The following ACO2 variants were observed in gnomAD, a reference collection of about 807,000 sequenced individuals.
The protein encoded by ACO2 is aconitate hydratase, mitochondrial.
Under a neutral mutation model 84.5 loss-of-function variants are expected in ACO2, and 31 were observed. The ratio of observed to expected loss-of-function variants is 0.37; its 90% CI spans 0.28 to 0.50. The LOEUF (loss-of-function observed/expected upper bound fraction) is 0.50, where lower values mean the gene tolerates loss of function less well. ACO2 is among the 20% of genes least tolerant of loss of function. The pLI, the probability that ACO2 is intolerant of heterozygous loss-of-function variation, is 0.97. For missense variants in ACO2, 685 were observed against 1,029.3 expected (o/e 0.67, Z 4.58); for synonymous variants, 414 against 412.7 (o/e 1.00, Z -0.04).
At chr22:41,501,148 C>T (rs946062980) in intron 2 of ACO2, among the ~76,000 whole-genome samples, 2 of 152,116 alleles carry the variant, frequency 1.3e-5, no homozygotes, top group Admixed American at 6.6e-5. Flanking sequence ...GGACCACAGG[C>T]GTGAGCCACC....
At chr22:41,492,206 G>A (rs191079734) in intron 1 of ACO2, among the ~76,000 whole-genome samples, 28 of 152,330 alleles carry the variant, frequency 1.8e-4, no homozygotes, top group African/African-American at 2.9e-4. Flanking sequence ...TATTCTAAAA[G>A]CAGGGTAAAT....
At position 41,520,168 on chromosome 22, in the gene ACO2, C is replaced by T. The variant is rs2066511594; in HGVS notation, c.1033-3C>T. On this transcript the variant is annotated splice_polypyrimidine_tract_variant and splice_region_variant and intron_variant, in intron 8 of 17. Transcript: ENST00000216254. ...TCTTCTCCTTGCATGTTTGTTTCTT[C>T]AGCTGAAGCCACACATCAATGGGCC... The T allele has an allele frequency of 1.2e-6, 2 of 1,611,102 alleles. No individual in the cohort carries two copies. The highest frequency in any genetic ancestry group is 8.5e-7 in the Non-Finnish European group (1 of 1,177,930).
At chr22:41,512,033 G>C (rs925454102) in intron 4 of ACO2, 65 bp downstream of exon 4, 30 of 1,366,896 alleles carry the variant, frequency 2.2e-5, no homozygotes, top group African/African-American at 4.5e-5. Context: ...CAGGCCTATG[G>C]GGGGAGGGGG....
chr22:41,475,690 C>T (rs941518024), intron 1 of ACO2, among the ~76,000 whole-genome samples: 2 of 151,388 alleles, frequency 1.3e-5, no homozygotes, highest in African/African-American at 4.9e-5. Flanking sequence ...CTCAGGAGTT[C>T]GAGACCAGCC....
At chr22:41,512,030 A>AT (rs1211840274) in intron 4 of ACO2, 62 bp downstream of exon 4, 4 of 1,360,636 alleles carry the variant, frequency 2.9e-6, no homozygotes, top group Non-Finnish European at 4.0e-6. Context: ...TTCCAGGCCT[A>AT]TGGGGGGAGG....
chr22:41,486,432 T>C (rs995649326), intron 1 of ACO2, among the ~76,000 whole-genome samples: 1 of 151,366 alleles, frequency 6.6e-6, no homozygotes, highest in Admixed American at 6.6e-5. Context: ...TAGCTGGGAC[T>C]ACAGGTGTGT....
rs776511867 is a variant in ACO2, at chr22:41,523,863, C to T, written c.1404C>T (p.Ile468=). Residue 468 remains isoleucine, a synonymous_variant, in exon 12 of 18, where the codon ATC becomes ATT. Coordinates refer to ENST00000216254, the MANE Select transcript of ACO2 (RefSeq NM_001098.3). Reference sequence around the variant, plus strand: ...TCAAGAAGGGGGAGAAGAACACAATCGTCACCTCCTACAACAGGAACTTCA... The same window carrying T: ...TCAAGAAGGGGGAGAAGAACACAATTGTCACCTCCTACAACAGGAACTTCA... ...KDIKKGEKNT[I]VTSYNRNFTG... 28 of 1,612,260 alleles carry T rather than the reference C, an allele frequency of 1.7e-5. No homozygotes were observed. The South Asian group carries it at 2.4e-4, about 14-fold the overall frequency.
At chr22:41,509,049 C>T (rs2066415077) in intron 3 of ACO2, among the ~76,000 whole-genome samples, 1 of 152,200 alleles carries the variant, frequency 6.6e-6, no homozygotes, top group Non-Finnish European at 1.5e-5. Flanking sequence ...GCTGAAAGGA[C>T]AGTCCTGCCT....
chr22:41,519,501 AT>A (rs1458835570), intron 8 of ACO2, among the ~76,000 whole-genome samples: 2 of 152,052 alleles, frequency 1.3e-5, no homozygotes, highest in Admixed American at 1.3e-4. Flanking sequence ...CCTTAAGTCC[AT>A]TTTTGTCATG....
At position 41,528,218 on chromosome 22, in the gene ACO2, CACCTCCCCA is replaced by C. The variant is rs2066644717; in HGVS notation, c.2208+204_2208+212del. 17 of 899,092 alleles carry C rather than the reference CACCTCCCCA, an allele frequency of 1.9e-5. No homozygotes were observed. In the East Asian group the frequency reaches 4.5e-4, roughly 24 times the overall value. 55.7% of individuals were successfully genotyped at this position (899,092 alleles called of 1,614,324 possible). ...GGTTGGAGTCAACCCGGGGCCCTCA[CACCTCCCCA>C]ACCTCCCTTTACTCACCAGGACCTG... On this transcript the variant is annotated intron_variant, in intron 17 of 17. Coordinates refer to ENST00000216254, the MANE Select transcript of ACO2 (RefSeq NM_001098.3).
intron 17 of ACO2, 77 bp from the exon 18 acceptor site, chr22:41,528,400 CCT>C (rs1420924063): frequency 1.6e-5 from 25 of 1,560,544 alleles, no homozygotes; most frequent in East Asian, 2.3e-5. Flanking sequence ...CAGGCAGTGC[CCT>C]GTCTCCCTGA....
intron 1 of ACO2, 142 bp from the exon 2 acceptor site, chr22:41,499,584 C>A: frequency 2.3e-6 from 2 of 884,926 alleles, no homozygotes; most frequent in Non-Finnish European, 3.4e-6. Flanking sequence ...CCCTGTCCTG[C>A]AGATGAGGAA....
chr22:41,528,103 C>T, intron 17 of ACO2, 81 bp downstream of exon 17: 1 of 1,589,040 alleles, frequency 6.3e-7, no homozygotes, highest in South Asian at 1.1e-5. Context: ...CCCAGGGTAG[C>T]TTCTCCCAGG....
At chr22:41,498,544 G>A (rs1050902854) in intron 1 of ACO2, among the ~76,000 whole-genome samples, 1 of 152,144 alleles carries the variant, frequency 6.6e-6, no homozygotes, top group South Asian at 2.1e-4. Context: ...GTTGAACCGG[G>A]GCTGGAGCAT....
In ACO2 at chr22:41,523,672, G is replaced by A. The variant is rs75817500; in HGVS notation, c.1371-158G>A. 4.3e-4 allele frequency among the ~76,000 whole-genome samples: 65 copies of A among 152,248 alleles called. 1 individual carries two copies. Among genetic ancestry groups the A allele is most frequent in the Non-Finnish European group, 8.2e-4 (56 of 67,994 alleles). Reference sequence around the variant, plus strand: ...ATCCTGAGGTTCCCTTCTGCTCTGCGCGTGGCCCCAGGAGGAGGCAACCCT... The same window carrying A: ...ATCCTGAGGTTCCCTTCTGCTCTGCACGTGGCCCCAGGAGGAGGCAACCCT... On this transcript the variant is annotated intron_variant, in intron 11 of 17. Coordinates refer to ENST00000216254, the MANE Select transcript of ACO2 (RefSeq NM_001098.3).
intron 1 of ACO2, among the ~76,000 whole-genome samples, chr22:41,479,503 C>G (rs1192494753): frequency 1.3e-5 from 2 of 152,180 alleles, no homozygotes; most frequent in Non-Finnish European, 2.9e-5. Context: ...AGAACCCAGG[C>G]TTTTTACCAG....
chr22:41,476,434 G>A (rs1287054766), intron 1 of ACO2, among the ~76,000 whole-genome samples: 2 of 144,530 alleles, frequency 1.4e-5, no homozygotes, highest in Admixed American at 7.0e-5. Context: ...AAGGCCAGAC[G>A]CAGTGGCTCA....
chr22:41,507,150 C>T (rs759484211), intron 2 of ACO2, among the ~76,000 whole-genome samples: 1 of 152,066 alleles, frequency 6.6e-6, no homozygotes, highest in Admixed American at 6.6e-5. Flanking sequence ...GGCAGTGACC[C>T]GGTCTCTGTT....
chr22:41,520,055 C>T lies in ACO2; in HGVS notation c.1033-116C>T. 4.7e-6 allele frequency: 4 copies of T among 845,304 alleles called. No homozygotes were observed. The South Asian group carries it at 6.5e-5, about 14-fold the overall frequency. 52.4% of individuals were successfully genotyped at this position (845,304 alleles called of 1,614,324 possible). A position where few individuals can be genotyped will look rare whatever the true frequency, so the allele number is the denominator to read the frequency against. ...TTCTTCCCTGTGATGAGGTTTCAGT[C>T]AAGAGAAAGTCGTTGGCCTCTCTGT... On this transcript the variant is annotated intron_variant, in intron 8 of 17. Transcript: ENST00000216254.
Sources: gnomAD v4.1 joint callset for allele counts (sites outside exome capture counted in the v4.1 genomes callset) on GRCh38, gnomAD v4.1.1 for gene constraint, MANE v1.5 for transcripts, NCBI Gene and HGNC (gene_info 2026-07-23, HGNC 2026-07-21) for gene names.